GRIK1: variants seen among roughly 807,000 people sequenced by gnomAD.
The protein encoded by GRIK1 is glutamate receptor ionotropic, kainate 1.
Under a neutral mutation model 105.7 loss-of-function variants are expected in GRIK1, and 69 were observed. That is an observed-to-expected ratio of 0.65 (90% confidence interval 0.54 to 0.80). GRIK1 has a LOEUF of 0.80. Ranked by LOEUF, GRIK1 falls within the 30% of genes least tolerant of loss-of-function variation. The probability of loss-of-function intolerance (pLI) is 0.00; values close to 1 mark genes in which losing one functional copy is unlikely to be tolerated. For missense variants in GRIK1, 1,109 were observed against 1,167.3 expected (o/e 0.95, Z 0.73); for synonymous variants, 438 against 431.3 (o/e 1.02, Z -0.19).
At chr21:29,641,228 C>T (rs1344668947) in intron 7 of GRIK1, among the ~76,000 whole-genome samples, 3 of 152,098 alleles carry the variant, frequency 2.0e-5, no homozygotes, top group Non-Finnish European at 4.4e-5. Context: ...TTGTAGCTCC[C>T]ACAATTCCCA....
At chr21:29,925,714 T>G (rs941690593) in intron 1 of GRIK1, among the ~76,000 whole-genome samples, 2 of 152,194 alleles carry the variant, frequency 1.3e-5, no homozygotes, top group African/African-American at 2.4e-5. Flanking sequence ...AAGTAGCATA[T>G]CAATAATACA....
chr21:29,913,284 C>A (rs549445609), intron 1 of GRIK1, among the ~76,000 whole-genome samples: 2 of 152,052 alleles, frequency 1.3e-5, no homozygotes, highest in Non-Finnish European at 2.9e-5. Flanking sequence ...TAATGAAAAC[C>A]TGTCTTGATG....
intron 1 of GRIK1, among the ~76,000 whole-genome samples, chr21:29,848,151 G>A (rs544651367): frequency 2.0e-5 from 3 of 151,944 alleles, no homozygotes; most frequent in South Asian, 2.1e-4. Context: ...TTATCTGTAC[G>A]CTGCTTCTAG....
intron 1 of GRIK1, among the ~76,000 whole-genome samples, chr21:29,790,120 G>A (rs2066371704): frequency 6.6e-6 from 1 of 152,084 alleles, no homozygotes; most frequent in African/African-American, 2.4e-5. Context: ...CATGATCTCG[G>A]CTCACTTCGA....
chr21:29,726,773 G>A (rs182434481), intron 1 of GRIK1, among the ~76,000 whole-genome samples: 1 of 151,290 alleles, frequency 6.6e-6, no homozygotes, highest in Non-Finnish European at 1.5e-5. Context: ...AATTGTTATT[G>A]GTACATGTAG....
intron 1 of GRIK1, among the ~76,000 whole-genome samples, chr21:29,859,068 T>A (rs2068554094): frequency 6.6e-6 from 1 of 151,868 alleles, no homozygotes; most frequent in African/African-American, 2.4e-5. Flanking sequence ...TGTAGGGACA[T>A]GGATGAAGCT....
chr21:29,810,020 G>C (rs1225479212), intron 1 of GRIK1, among the ~76,000 whole-genome samples: 1 of 152,078 alleles, frequency 6.6e-6, no homozygotes, highest in African/African-American at 2.4e-5. Context: ...AATCACAGCT[G>C]GGCACGGTGG....
chr21:29,904,561 A>C (rs918622822), intron 1 of GRIK1, among the ~76,000 whole-genome samples: 2 of 152,138 alleles, frequency 1.3e-5, no homozygotes, highest in African/African-American at 4.8e-5. Flanking sequence ...TTCAGCCCTC[A>C]ATGACTCACG....
intron 7 of GRIK1, among the ~76,000 whole-genome samples, chr21:29,620,800 T>G (rs28498575): frequency 8.4e-5 from 9 of 107,512 alleles, no homozygotes; most frequent in African/African-American, 4.4e-4. Flanking sequence ...TATCTATATA[T>G]ATATAGATAT....
At chr21:29,633,614 A>G (rs1158882089) in intron 7 of GRIK1, among the ~76,000 whole-genome samples, 1 of 152,206 alleles carries the variant, frequency 6.6e-6, no homozygotes, top group Admixed American at 6.5e-5. Context: ...TTTATATATA[A>G]GACAAAACCT....
chr21:29,603,666 A>G (rs1397865904), intron 7 of GRIK1, among the ~76,000 whole-genome samples: 4 of 152,154 alleles, frequency 2.6e-5, no homozygotes, highest in African/African-American at 7.2e-5. Context: ...TTGCAAGCCA[A>G]AGGCTGGCTT....
At chr21:29,651,382 T>C (rs999356199) in intron 5 of GRIK1, 91 bp from the exon 6 acceptor site, 9 of 784,842 alleles carry the variant, frequency 1.1e-5, no homozygotes, top group African/African-American at 1.1e-4. Context: ...CACCAACTAA[T>C]ACAATGATAC....
intron 1 of GRIK1, among the ~76,000 whole-genome samples, chr21:29,897,734 G>A (rs2070225093): frequency 6.6e-6 from 1 of 152,160 alleles, no homozygotes; most frequent in Non-Finnish European, 1.5e-5. Flanking sequence ...ATAAACCATG[G>A]GCAAGTTATT....
At chr21:29,680,205 T>C (rs2063344486) in intron 3 of GRIK1, among the ~76,000 whole-genome samples, 2 of 152,210 alleles carry the variant, frequency 1.3e-5, no homozygotes, top group African/African-American at 2.4e-5. Context: ...ATGATTTTTG[T>C]ACAGTTCCCT....
chr21:29,877,135 G>A (rs2069219688), intron 1 of GRIK1, among the ~76,000 whole-genome samples: 1 of 152,052 alleles, frequency 6.6e-6, no homozygotes, highest in Non-Finnish European at 1.5e-5. Context: ...ATTTATTTAT[G>A]CTTTTACAAT....
At chr21:29,680,086 T>C (rs565768849) in intron 3 of GRIK1, among the ~76,000 whole-genome samples, 1 of 152,296 alleles carries the variant, frequency 6.6e-6, no homozygotes, top group East Asian at 1.9e-4. Flanking sequence ...GTTCCTTAAA[T>C]CAAAATAAGT....
At chr21:29,894,911 G>A (rs768962379) in intron 1 of GRIK1, among the ~76,000 whole-genome samples, 2 of 152,078 alleles carry the variant, frequency 1.3e-5, no homozygotes, top group Non-Finnish European at 2.9e-5. Context: ...CAGTCATCTG[G>A]CTTTCTATTC....
intron 7 of GRIK1, among the ~76,000 whole-genome samples, chr21:29,613,871 A>G (rs2061782597): frequency 2.6e-5 from 4 of 152,212 alleles, no homozygotes. Context: ...TATAATCTAG[A>G]GGATTTTCAG....
intron 1 of GRIK1, among the ~76,000 whole-genome samples, chr21:29,783,148 ATTAAAG>A (rs1352627532): frequency 3.3e-5 from 5 of 152,150 alleles, no homozygotes; most frequent in East Asian, 1.9e-4. Flanking sequence ...CTTTGATTTT[ATTAAAG>A]TTAAATATTT....
Sources: gnomAD v4.1 joint callset for allele counts (sites outside exome capture counted in the v4.1 genomes callset) on GRCh38, gnomAD v4.1.1 for gene constraint, MANE v1.5 for transcripts, NCBI Gene and HGNC (gene_info 2026-07-23, HGNC 2026-07-21) for gene names.